Variants in MYB observed in about 807,000 individuals in gnomAD.
MYB encodes the protein transcriptional activator Myb.
Under a neutral mutation model 92.9 loss-of-function variants are expected in MYB, and 28 were observed. That is an observed-to-expected ratio of 0.30 (90% CI 0.22 to 0.41). MYB has a LOEUF of 0.41. Among genes scored for constraint, MYB ranks in the 10% least tolerant of loss-of-function variants. The probability of loss-of-function intolerance (pLI) is 1.00; values close to 1 mark genes in which losing one functional copy is unlikely to be tolerated. For missense variants in MYB, 679 were observed against 929.3 expected (o/e 0.73, Z 3.50); for synonymous variants, 295 against 329.1 (o/e 0.90, Z 1.12).
chr6:135,196,124 A>G (rs1288818890), intron 9 of MYB, 122 bp downstream of exon 9: 9 of 1,034,376 alleles, frequency 8.7e-6, no homozygotes, highest in Non-Finnish European at 1.2e-5. Context: ...TAAAGGTAGA[A>G]GTATGATTTT....
rs187987587 is a variant in MYB, at chr6:135,203,771, C to T, written c.2169+447C>T. On this transcript the variant is annotated intron_variant, in intron 15 of 15. Coordinates refer to ENST00000341911, the MANE Select transcript of MYB (RefSeq NM_001130173.2). Reference sequence around the variant, plus strand: ...TAAATGAAGTCTGAAATTAGTCAGACAGAAAATAATTGCAATGTATTTGAC... The same window carrying T: ...TAAATGAAGTCTGAAATTAGTCAGATAGAAAATAATTGCAATGTATTTGAC... 201 of 1,324,408 alleles carry T rather than the reference C, an allele frequency of 1.5e-4. 1 individual carries two copies. Among genetic ancestry groups the T allele is most frequent in the South Asian group, 8.4e-4 (68 of 80,840 alleles). 82.0% of individuals were successfully genotyped at this position (1,324,408 alleles called of 1,614,324 possible). A position where few individuals can be genotyped will look rare whatever the true frequency, so the allele number is the denominator to read the frequency against.
rs562879021 is a variant in MYB, at chr6:135,218,855, T to C, written c.*875T>C. ...ATTGTGGTTTTTTTGTTATTGTTGG[T>C]TTATACAAGCATGCGTTGCACTTCT... is the stretch of plus-strand genomic sequence containing the variant. On this transcript the variant is annotated 3_prime_UTR_variant, in exon 16 of 16. Transcript: ENST00000341911. 17 of 227,360 alleles carry C rather than the reference T, an allele frequency of 7.5e-5. No individual in the cohort carries two copies. The South Asian group carries it at 2.0e-3, about 27-fold the overall frequency. The allele number at this position is 227,360 out of a possible 1,614,324, so 14.1% of individuals were successfully genotyped here.
Position 135,202,657 on chromosome 6 carries a change from C to T in MYB, c.2062-560C>T, listed in dbSNP as rs563343567. ...TGCTAGGATTACAGGCGTGAGCCAC[C>T]GCGCCCGGCCAGGTGGGTATTATTA... On this transcript the variant is annotated intron_variant, in intron 14 of 15. Coordinates refer to ENST00000341911, the MANE Select transcript of MYB (RefSeq NM_001130173.2). The T allele has an allele frequency of 7.1e-4, 181 of 253,990 alleles. 4 individuals are homozygous for T. Among genetic ancestry groups the T allele is most frequent in the South Asian group, 7.0e-3 (170 of 24,278 alleles). 15.7% of individuals were successfully genotyped at this position (253,990 alleles called of 1,614,324 possible).
At chr6:135,216,672 C>T (rs1225086739) in intron 15 of MYB, among the ~76,000 whole-genome samples, 1 of 152,206 alleles carries the variant, frequency 6.6e-6, no homozygotes, top group Non-Finnish European at 1.5e-5. Flanking sequence ...AGAGGGCCAA[C>T]TGTGTTTATT....
intron 15 of MYB, among the ~76,000 whole-genome samples, chr6:135,204,213 G>A (rs1159085568): frequency 7.2e-5 from 11 of 152,184 alleles, no homozygotes; most frequent in Non-Finnish European, 4.4e-5. Context: ...TCCCATTCTT[G>A]TGATAGTTTC....
At chr6:135,203,165 C>A (rs921297077) in intron 14 of MYB, 52 bp from the exon 15 acceptor site, 1 of 1,196,790 alleles carries the variant, frequency 8.4e-7, no homozygotes, top group South Asian at 1.3e-5. Flanking sequence ...AAAAATGTGG[C>A]TCTCATATTA....
chr6:135,210,787 G>A (rs1190005334), intron 15 of MYB, among the ~76,000 whole-genome samples: 1 of 152,194 alleles, frequency 6.6e-6, no homozygotes, highest in Non-Finnish European at 1.5e-5. Context: ...ATATAATATT[G>A]CTTTCAAGAT....
At chr6:135,197,502 A>C (rs1213136832) in intron 10 of MYB, among the ~76,000 whole-genome samples, 179 bp downstream of exon 10, 4 of 151,846 alleles carry the variant, frequency 2.6e-5, no homozygotes, top group South Asian at 2.1e-4. Flanking sequence ...GGCTGTCTGC[A>C]GGCTAACTGT....
At position 135,182,549 on chromosome 6, in the gene MYB, G is replaced by A. The variant is rs1040834661; in HGVS notation, c.23+1013G>A. Among the ~76,000 whole-genome samples, 3 of 152,208 alleles carry A rather than the reference G, an allele frequency of 2.0e-5. No homozygotes were observed. The highest frequency in any genetic ancestry group is 4.4e-5 in the Non-Finnish European group (3 of 68,032). On this transcript the variant is annotated intron_variant, in intron 1 of 15. Coordinates refer to ENST00000341911, the MANE Select transcript of MYB (RefSeq NM_001130173.2). The surrounding 1 kb of genome is among the most constrained non-coding windows in gnomAD (Gnocchi z 5.6). The stretch of plus-strand genomic sequence containing the variant: ...GCCCCCAGGCGAAAGGTCCCTGCGC[G>A]GCGCGCACACGTGGATGCGGCTGAG...
rs539792856 is a variant in MYB, at chr6:135,182,280, G to A, written c.23+744G>A. ...GTGCAGTCCCTTCACATTTTTGGCC[G>A]GACAGATGGGAAGAGGGAGAGGAGG... On this transcript the variant is annotated intron_variant, in intron 1 of 15. Transcript: ENST00000341911. The surrounding 1 kb of genome is among the most constrained non-coding windows in gnomAD (Gnocchi z 5.6). 3.9e-5 allele frequency among the ~76,000 whole-genome samples: 6 copies of A among 152,282 alleles called. No homozygotes were observed. In the South Asian group the frequency reaches 1.0e-3, roughly 26 times the overall value.
Position 135,195,995 on chromosome 6 carries a change from T to C in MYB, c.1196T>C (p.Ile399Thr), listed in dbSNP as rs1215728054. Residue 399 changes from isoleucine to threonine, a missense_variant, in exon 9 of 16, where the codon ATA becomes ACA. This residue lies in a region of MYB where 20 missense variants were observed against 46.7 expected (regional missense o/e 0.43). Coordinates refer to ENST00000341911, the MANE Select transcript of MYB (RefSeq NM_001130173.2). ...GAATTTGCAGAAACACTCCAATTTA[T>C]AGATTCTGTAAGTAGAATTGTGAAG... The part of the protein sequence containing the change: ...LLEFAETLQF[I>T]DSDSSSWCDL... 6.2e-7 allele frequency: 1 copy of C among 1,612,492 alleles called. No homozygotes were observed.
rs1776504384 is a variant in MYB at position 135,190,643 on chromosome 6, T to A, written c.527+296T>A. ...CAGTGTTAGGATCAAGTAAAATGAA[T>A]GTCAAAGGACTTGGTAAACTATAAA... On this transcript the variant is annotated intron_variant, in intron 5 of 15. Coordinates refer to ENST00000341911, the MANE Select transcript of MYB (RefSeq NM_001130173.2). This position sits in a 1 kb window ranked among gnomAD's most constrained non-coding sequence, Gnocchi z 4.5. Among the ~76,000 whole-genome samples, 1 of 152,160 alleles carries A rather than the reference T, an allele frequency of 6.6e-6. No individual in the cohort carries two copies. Among genetic ancestry groups the A allele is most frequent in the African/African-American group, 2.4e-5 (1 of 41,430 alleles).
intron 15 of MYB, among the ~76,000 whole-genome samples, chr6:135,205,767 T>C (rs970017230): frequency 6.6e-6 from 1 of 152,226 alleles, no homozygotes; most frequent in Non-Finnish European, 1.5e-5. Flanking sequence ...TGACCAGATA[T>C]ATTTTAATAA....
In MYB at chr6:135,200,151, A is replaced by G. The variant is rs75521209; in HGVS notation, c.1776A>G (p.Lys592=). The change falls in exon 12 of 16, where the codon AAA becomes AAG. Residue 592 remains lysine, a synonymous_variant. Transcript: ENST00000341911. ...CTCCAAGAACTCCTACACCATTCAA[A>G]CATGCACTTGCAGCTCAAGAAATTA... ...ESSPRTPTPF[K]HALAAQEIKY... is the part of the protein sequence containing the mutation. 1,013 of 1,614,196 alleles carry G rather than the reference A, an allele frequency of 6.3e-4. 3 individuals carry two copies. In the African/African-American group the frequency reaches 0.012, roughly 19 times the overall value.
chr6:135,186,708 G>A (rs1231654931), intron 2 of MYB, among the ~76,000 whole-genome samples: 4 of 152,182 alleles, frequency 2.6e-5, no homozygotes, highest in African/African-American at 9.7e-5. Flanking sequence ...TCCGATAATG[G>A]ATGGAGACAC....
rs1387416005 is a variant in MYB, at chr6:135,182,498, AC to A, written c.23+964del. Among the ~76,000 whole-genome samples, 1 of 152,112 alleles carries A rather than the reference AC, an allele frequency of 6.6e-6. No individual in the cohort carries two copies. The highest frequency in any genetic ancestry group is 1.9e-4 in the East Asian group (1 of 5,164). On this transcript the variant is annotated intron_variant, in intron 1 of 15. Transcript: ENST00000341911. This position sits in a 1 kb window ranked among gnomAD's most constrained non-coding sequence, Gnocchi z 5.6. ...CAGCACCCAAGGCCGCTGCCGCGCA[AC>A]CGGGACGCGATCCCCGCGGGCTCTG... is the stretch of plus-strand genomic sequence containing the variant.
intron 15 of MYB, 145 bp downstream of exon 15, chr6:135,203,469 A>C (rs1778428114): frequency 2.9e-6 from 2 of 701,522 alleles, no homozygotes; most frequent in East Asian, 2.7e-5. Flanking sequence ...TAATGCTTTT[A>C]TACAATTCTT....
intron 3 of MYB, among the ~76,000 whole-genome samples, chr6:135,189,380 G>A (rs947439887): frequency 6.6e-6 from 1 of 152,188 alleles, no homozygotes; most frequent in African/African-American, 2.4e-5. Flanking sequence ...CTGGATTGAA[G>A]CACATCTCTT....
intron 15 of MYB, among the ~76,000 whole-genome samples, chr6:135,210,643 G>A (rs915606197): frequency 2.6e-5 from 4 of 152,220 alleles, no homozygotes; most frequent in East Asian, 1.9e-4. Context: ...CAGAACCTGG[G>A]TTCCAGGCTA....
Sources: allele counts gnomAD v4.1 joint callset (sites outside exome capture counted in the v4.1 genomes callset), GRCh38; gene constraint gnomAD v4.1.1; regional missense constraint gnomAD v4.1.1; non-coding constraint Gnocchi (gnomAD v3.1); transcripts MANE v1.5; gene names NCBI Gene and HGNC (gene_info 2026-07-23, HGNC 2026-07-21).